The following CTU2 variants were observed in gnomAD, a reference collection of about 807,000 sequenced individuals.
CTU2 encodes the protein cytoplasmic tRNA 2-thiolation protein 2.
Under a neutral mutation model 64.1 loss-of-function variants are expected in CTU2, and 80 were observed. The observed-to-expected ratio is 1.25, with a 90% confidence interval of 1.04 to 1.50. CTU2 has a LOEUF of 1.50. Ranked by LOEUF, CTU2 falls within the 40% of genes most tolerant of loss-of-function variation. CTU2 has a pLI of 0.00. For missense variants in CTU2, 1,110 were observed against 690.2 expected (o/e 1.61, Z -6.81); for synonymous variants, 482 against 285.3 (o/e 1.69, Z -6.95).
At position 88,713,742 on chromosome 16, in the gene CTU2, C is replaced by G; in HGVS notation, c.969C>G (p.Ser323=). Residue 323 remains serine, a synonymous_variant, in exon 9 of 15, where the codon TCC becomes TCG. Transcript: ENST00000453996. The part of the protein sequence containing the change: ...KEVAFYNRLF[S]VPSVFTPAVD... ...TCGCTTTCTACAACCGCCTGTTCTC[C>G]GTTCCTTCTGTCTTCACACCAGCCG... 4 of 1,612,716 alleles carry G rather than the reference C, an allele frequency of 2.5e-6. No individual in the cohort carries two copies. The highest frequency in any genetic ancestry group is 3.4e-6 in the Non-Finnish European group (4 of 1,179,900).
chr16:88,713,519 A>G (rs1480550268), intron 8 of CTU2, 72 bp downstream of exon 8: 1 of 1,524,660 alleles, frequency 6.6e-7, no homozygotes, highest in Non-Finnish European at 8.8e-7. Flanking sequence ...ACTGGAGAGT[A>G]GCCTCTCGCG....
chr16:88,712,260 C>T lies in CTU2; in HGVS notation c.344-14C>T, dbSNP rs1324721301. 1 of 1,583,476 alleles carries T rather than the reference C, an allele frequency of 6.3e-7. No individual in the cohort carries two copies. The highest frequency in any genetic ancestry group is 2.3e-5 in the East Asian group (1 of 43,564). ...CCTCTCTGAGCCCTGACTCTTTCTG[C>T]CTGGGTTTTTCAGAGGGAGCAGCCT... On this transcript the variant is annotated splice_polypyrimidine_tract_variant and intron_variant, in intron 5 of 14. Coordinates refer to ENST00000453996, the MANE Select transcript of CTU2 (RefSeq NM_001012759.3).
rs199672303 is a variant in CTU2 at position 88,712,818 on chromosome 16, C to T, written c.650C>T (p.Pro217Leu). The T allele has an allele frequency of 3.1e-6, 5 of 1,599,144 alleles. No homozygotes were observed. The highest frequency in any genetic ancestry group is 2.2e-5 in the East Asian group (1 of 44,808). ...GACCCCCAGAACCTGGCAAGACCGC[C>T]TGCCCCTGCCCAGACTGAGGCTCTT... The part of the protein sequence containing the change: ...PLDPQNLARP[P>L]APAQTEALSQ... The change falls in exon 7 of 15, where the codon CCT becomes CTT. Residue 217 changes from proline (P) to leucine (L), a missense_variant. By Grantham distance (98) the Pro-to-Leu change is moderately conservative (BLOSUM62 -3). Coordinates refer to ENST00000453996, the MANE Select transcript of CTU2 (RefSeq NM_001012759.3).
rs1023594053 is a variant in CTU2 at position 88,715,097 on chromosome 16, G to GCACA, written c.1472_1475dup (p.Gln492HisfsTer16). On this transcript the variant is annotated frameshift_variant, in exon 14 of 15. Coordinates refer to ENST00000453996, the MANE Select transcript of CTU2 (RefSeq NM_001012759.3). LOFTEE classifies it low-confidence loss of function (END_TRUNC). ...TACATCCTGGCTGAGGCCCAGCTCC[G>GCACA]CACACAGAGGTACTGGGGCCCACAC... 6.3e-7 allele frequency: 1 copy of GCACA among 1,584,540 alleles called. No homozygotes were observed.
intron 4 of CTU2, 183 bp downstream of exon 4, chr16:88,710,465 AGT>A: frequency 3.3e-6 from 2 of 610,816 alleles, no homozygotes; most frequent in African/African-American, 1.9e-5. Flanking sequence ...CTGAGTCCAC[AGT>A]GTGTGTGTGC....
rs774393410 is a variant in CTU2, at chr16:88,714,881, T to C, written c.1374T>C (p.Ile458=). 3 of 1,612,500 alleles carry C rather than the reference T, an allele frequency of 1.9e-6. No homozygotes were observed. In the African/African-American group the frequency reaches 4.0e-5, roughly 22 times the overall value. The change falls in exon 13 of 15, where the codon ATT becomes ATC. Residue 458 remains isoleucine, a synonymous_variant. Coordinates refer to ENST00000453996, the MANE Select transcript of CTU2 (RefSeq NM_001012759.3). ...GCAGGGAGGACCCCCAAGCCTGCATTGAGGAGCAGCTGTGCTACAGCTGCC... is the reference window on the plus strand; with the variant it reads ...GCAGGGAGGACCCCCAAGCCTGCATCGAGGAGCAGCTGTGCTACAGCTGCC... ...ACRREDPQAC[I]EEQLCYSCRV...
intron 9 of CTU2, 70 bp from the exon 10 acceptor site, chr16:88,714,066 C>T (rs942877278): frequency 8.2e-6 from 12 of 1,469,554 alleles, no homozygotes; most frequent in African/African-American, 2.8e-5. Context: ...GGCACCTGTC[C>T]TGGGGACTCT....
chr16:88,714,244 G>A lies in CTU2; in HGVS notation c.1097+17G>A. The A allele has an allele frequency of 6.2e-7, 1 of 1,603,526 alleles. No homozygotes were observed. Among genetic ancestry groups the A allele is most frequent in the Non-Finnish European group, 8.5e-7 (1 of 1,176,102 alleles). On this transcript the variant is annotated intron_variant, in intron 10 of 14. Coordinates refer to ENST00000453996, the MANE Select transcript of CTU2 (RefSeq NM_001012759.3). ...TGTGTACAGGTGTGGGTGTGTGTGG[G>A]TGTGTGCGGGGGGTGCGCGGGTGTG...
At chr16:88,713,479 A>G (rs760907736) in intron 8 of CTU2, 32 bp downstream of exon 8, 3 of 1,561,994 alleles carry the variant, frequency 1.9e-6, no homozygotes, top group South Asian at 1.2e-5. Flanking sequence ...CAGGAGGCCC[A>G]TCCTCACCTT....
chr16:88,714,950 G>A (rs574837184), intron 13 of CTU2, 24 bp downstream of exon 13: 2 of 1,610,254 alleles, frequency 1.2e-6, no homozygotes, highest in African/African-American at 1.3e-5. Flanking sequence ...CACCTGTCCT[G>A]GGCCGGGCTT....
chr16:88,715,286 G>A lies in CTU2; in HGVS notation c.*35G>A, dbSNP rs1193196784. ...CGTGCTTGCCGGGACAGCAGGCAGT[G>A]GCCACCTGGTACACCACACTGGAGC... On this transcript the variant is annotated 3_prime_UTR_variant, in exon 15 of 15. Transcript: ENST00000453996. 1.2e-6 allele frequency: 2 copies of A among 1,602,144 alleles called. No homozygotes were observed. Among genetic ancestry groups the A allele is most frequent in the Non-Finnish European group, 8.5e-7 (1 of 1,176,036 alleles).
Position 88,707,165 on chromosome 16 carries a change from A to C in CTU2, c.98A>C (p.Glu33Ala). Residue 33 changes from glutamate (E) to alanine (A), a missense_variant, in exon 2 of 15, where the codon GAA becomes GCA. Glu to Ala is a moderately radical substitution (Grantham distance 107). Transcript: ENST00000453996. ...GAGCAGAAGTGTGTGAAGTGCAAGGAAGCGCAGCCCGTTGTGGTGATACGA... is the reference window on the plus strand; with the variant it reads ...GAGCAGAAGTGTGTGAAGTGCAAGGCAGCGCAGCCCGTTGTGGTGATACGA... ...SREQKCVKCKEAQPVVVIRAG... is the reference protein window; with the variant it reads ...SREQKCVKCKAAQPVVVIRAG... The C allele has an allele frequency of 6.2e-7, 1 of 1,613,938 alleles. No individual in the cohort carries two copies. Among genetic ancestry groups the C allele is most frequent in the Admixed American group, 1.7e-5 (1 of 60,016 alleles).
In CTU2 at chr16:88,714,181, C is replaced by G. The variant is rs1219838539; in HGVS notation, c.1051C>G (p.Leu351Val). 1.2e-6 allele frequency: 2 copies of G among 1,612,596 alleles called. No individual in the cohort carries two copies. Among genetic ancestry groups the G allele is most frequent in the Non-Finnish European group, 1.7e-6 (2 of 1,179,922 alleles). Residue 351 changes from leucine to valine, a missense_variant, in exon 10 of 15, where the codon CTC becomes GTC. Transcript: ENST00000453996. ...SIHRLMEAFI[L>V]RLQTQFPSTV... is the part of the protein sequence containing the mutation. ...CCACCGGCTGATGGAGGCCTTCATC[C>G]TCAGGCTGCAGACCCAGTTCCCCTC...
At position 88,709,616 on chromosome 16, in the gene CTU2, C is replaced by T. The variant is rs187086455; in HGVS notation, c.144-322C>T. 507 of 376,834 alleles carry T rather than the reference C, an allele frequency of 1.3e-3. 4 individuals are homozygous for T. The highest frequency in any genetic ancestry group is 9.9e-3 in the African/African-American group (479 of 48,384). The allele number at this position is 376,834 out of a possible 1,614,324, so 23.3% of individuals were successfully genotyped here. On this transcript the variant is annotated intron_variant, in intron 2 of 14. Coordinates refer to ENST00000453996, the MANE Select transcript of CTU2 (RefSeq NM_001012759.3). Reference sequence around the variant, plus strand: ...TGCCCTGTACGTGCCTAAGTCTGTCCACTCCACCAGCTGGGCCCTTCTGAG... The same window carrying T: ...TGCCCTGTACGTGCCTAAGTCTGTCTACTCCACCAGCTGGGCCCTTCTGAG...
chr16:88,713,944 TG>T (rs1166887722), intron 9 of CTU2, among the ~76,000 whole-genome samples, 166 bp downstream of exon 9: 1 of 152,118 alleles, frequency 6.6e-6, no homozygotes, highest in Non-Finnish European at 1.5e-5. Flanking sequence ...CGTGAGGGTG[TG>T]GGGGTGACAG....
At position 88,715,339 on chromosome 16, in the gene CTU2, CTGAT is replaced by C. The variant is rs771568737; in HGVS notation, c.*91_*94del. On this transcript the variant is annotated 3_prime_UTR_variant, in exon 15 of 15. Transcript: ENST00000453996. The stretch of plus-strand genomic sequence containing the variant: ...GAAGGCAAGGACGGGGGACTGGCCT[CTGAT>C]TGTCCATTTGTATAAATAAAACATT... 4.5e-6 allele frequency: 6 copies of C among 1,335,110 alleles called. No homozygotes were observed. The highest frequency in any genetic ancestry group is 5.2e-6 in the Non-Finnish European group (5 of 969,970). The allele number at this position is 1,335,110 out of a possible 1,614,324, so 82.7% of individuals were successfully genotyped here.
rs766689276 is a variant in CTU2, at chr16:88,714,385, C to T, written c.1100C>T (p.Thr367Ile). The T allele has an allele frequency of 6.2e-7, 1 of 1,612,394 alleles. No homozygotes were observed. The highest frequency in any genetic ancestry group is 1.1e-5 in the South Asian group (1 of 91,074). The stretch of plus-strand genomic sequence containing the variant: ...CTCCTCCCACAATCCGGCCACAGGA[C>T]AAGTGAGAAGCTGGTGAAGGGCCCC... ...FPSTVSTVYRTSEKLVKGPRD... is the reference protein window; with the variant it reads ...FPSTVSTVYRISEKLVKGPRD... The change falls in exon 11 of 15, where the codon ACA becomes ATA. Residue 367 changes from threonine to isoleucine, a missense_variant and splice_region_variant. Thr to Ile is a moderately conservative substitution (Grantham distance 89). Coordinates refer to ENST00000453996, the MANE Select transcript of CTU2 (RefSeq NM_001012759.3).
chr16:88,712,543 C>T (rs1911417084), intron 6 of CTU2, 79 bp from the exon 7 acceptor site: 3 of 1,546,696 alleles, frequency 1.9e-6, no homozygotes, highest in Non-Finnish European at 2.6e-6. Context: ...CCGTCTCCCG[C>T]ATCCCGGAAG....
At position 88,710,881 on chromosome 16, in the gene CTU2, G is replaced by A. The variant is rs377333204; in HGVS notation, c.282+599G>A. 810 of 156,484 alleles carry A rather than the reference G, an allele frequency of 5.2e-3. 7 individuals carry two copies. The highest frequency in any genetic ancestry group is 0.019 in the African/African-American group (779 of 41,566). 9.7% of individuals were successfully genotyped at this position (156,484 alleles called of 1,614,324 possible). On this transcript the variant is annotated intron_variant, in intron 4 of 14. Coordinates refer to ENST00000453996, the MANE Select transcript of CTU2 (RefSeq NM_001012759.3). ...GAGGCGGGCTTAGGCTGCACACAGG[G>A]CTCGGCTGGGGGTGGTGGGGCTGTG...
Sources: allele counts gnomAD v4.1 joint callset (sites outside exome capture counted in the v4.1 genomes callset), GRCh38; gene constraint gnomAD v4.1.1; transcripts MANE v1.5; gene names NCBI Gene and HGNC (gene_info 2026-07-23, HGNC 2026-07-21).